CAMK1D: variants seen among roughly 807,000 people sequenced by gnomAD.
CAMK1D encodes the protein calcium/calmodulin dependent protein kinase ID.
CAMK1D carries 9 observed loss-of-function variants against 47.7 expected under a neutral mutation model. The ratio of observed to expected loss-of-function variants is 0.19; its 90% confidence interval spans 0.11 to 0.33. The LOEUF is 0.33. CAMK1D is among the 10% of genes least tolerant of loss of function. CAMK1D has a pLI of 1.00. For synonymous variants in CAMK1D, 184 were observed against 184.9 expected (o/e 0.99, Z 0.04); for missense variants, 291 against 488.7 (o/e 0.60, Z 3.81).
intron 1 of CAMK1D, among the ~76,000 whole-genome samples, chr10:12,482,614 T>A (rs909525246): frequency 6.6e-6 from 1 of 152,220 alleles, no homozygotes; most frequent in African/African-American, 2.4e-5. Flanking sequence ...TCCTGAGTGC[T>A]AATGGGTTTT....
chr10:12,628,034 T>C (rs1376467039), intron 2 of CAMK1D, among the ~76,000 whole-genome samples: 1 of 151,750 alleles, frequency 6.6e-6, no homozygotes, highest in African/African-American at 2.4e-5. Flanking sequence ...TGAACCAAGA[T>C]TGTGCCACTG....
intron 2 of CAMK1D, among the ~76,000 whole-genome samples, chr10:12,590,890 T>G (rs1837975927): frequency 6.6e-6 from 1 of 152,226 alleles, no homozygotes; most frequent in South Asian, 2.1e-4. Flanking sequence ...ACCCACTTAC[T>G]TAGACAATGA....
intron 2 of CAMK1D, among the ~76,000 whole-genome samples, chr10:12,558,434 A>G (rs1836833423): frequency 6.6e-6 from 1 of 152,104 alleles, no homozygotes; most frequent in African/African-American, 2.4e-5. Context: ...CATACCTATA[A>G]TCACAGCTAC....
chr10:12,586,322 A>G (rs546207507), intron 2 of CAMK1D, among the ~76,000 whole-genome samples: 1 of 152,132 alleles, frequency 6.6e-6, no homozygotes, highest in East Asian at 1.9e-4. Flanking sequence ...TGGCCTCCTC[A>G]GCTGTAATCC....
At chr10:12,388,937 G>A (rs546560541) in intron 1 of CAMK1D, among the ~76,000 whole-genome samples, 1 of 152,178 alleles carries the variant, frequency 6.6e-6, no homozygotes, top group Non-Finnish European at 1.5e-5. Context: ...TGCGGTAAAG[G>A]CGTGGCTTGC....
At chr10:12,772,592 G>T (rs1432358745) in intron 5 of CAMK1D, among the ~76,000 whole-genome samples, 1 of 152,208 alleles carries the variant, frequency 6.6e-6, no homozygotes, top group Non-Finnish European at 1.5e-5. Context: ...TTTCTAAGTG[G>T]CTGCCATCTG....
At chr10:12,486,288 AGCTGGGACTACAGGT>A (rs1440924011) in intron 1 of CAMK1D, among the ~76,000 whole-genome samples, 1 of 151,940 alleles carries the variant, frequency 6.6e-6, no homozygotes, top group Non-Finnish European at 1.5e-5. Flanking sequence ...CCTCTGGAGT[AGCTGGGACTACAGGT>A]GCCCACCACC....
At chr10:12,499,632 C>T (rs556097137) in intron 1 of CAMK1D, among the ~76,000 whole-genome samples, 2 of 152,276 alleles carry the variant, frequency 1.3e-5, no homozygotes, top group African/African-American at 4.8e-5. Flanking sequence ...TATTTTTCTG[C>T]TCTTCTTCAA....
intron 1 of CAMK1D, among the ~76,000 whole-genome samples, chr10:12,404,242 T>G (rs1839333277): frequency 6.6e-6 from 1 of 152,148 alleles, no homozygotes; most frequent in Non-Finnish European, 1.5e-5. Context: ...GTAGGGTTTC[T>G]CCATATTGGT....
chr10:12,744,089 C>T (rs533929601), intron 3 of CAMK1D, among the ~76,000 whole-genome samples: 12 of 151,798 alleles, frequency 7.9e-5, no homozygotes, highest in Non-Finnish European at 1.5e-4. Context: ...AATATGTGGC[C>T]TTTTGTGTCT....
chr10:12,730,258 T>C lies in CAMK1D; in HGVS notation c.300-30690T>C, dbSNP rs184522881. Among the ~76,000 whole-genome samples, 1,344 of 152,122 alleles carry C rather than the reference T, an allele frequency of 8.8e-3. 23 individuals are homozygous for C. Among genetic ancestry groups the C allele is most frequent in the African/African-American group, 0.031 (1,272 of 41,478 alleles). ...AGGACCATTAGCATTCCCTGGTAGG[T>C]TGAAGATGGGCCAGTAAGGGAAACA... On this transcript the variant is annotated intron_variant, in intron 3 of 10. Coordinates refer to ENST00000619168, the MANE Select transcript of CAMK1D (RefSeq NM_153498.4).
intron 2 of CAMK1D, among the ~76,000 whole-genome samples, chr10:12,655,036 G>A (rs1243041790): frequency 6.6e-6 from 1 of 152,202 alleles, no homozygotes; most frequent in East Asian, 1.9e-4. Context: ...ATCTGAGCTT[G>A]AGACCCATTG....
chr10:12,424,158 C>A (rs1004643920), intron 1 of CAMK1D, among the ~76,000 whole-genome samples: 2 of 152,140 alleles, frequency 1.3e-5, no homozygotes, highest in African/African-American at 4.8e-5. Flanking sequence ...CCCAGGCCCT[C>A]TTCTTGAACT....
intron 2 of CAMK1D, among the ~76,000 whole-genome samples, 167 bp downstream of exon 2, chr10:12,553,523 C>G (rs540218669): frequency 6.6e-6 from 1 of 152,170 alleles, no homozygotes; most frequent in Admixed American, 6.5e-5. Flanking sequence ...ATAGACCTCT[C>G]GTGTCTTAGA....
chr10:12,593,426 C>T (rs553349637), intron 2 of CAMK1D, among the ~76,000 whole-genome samples: 24 of 152,144 alleles, frequency 1.6e-4, no homozygotes, highest in African/African-American at 5.3e-4. Context: ...CCTGTCTTTA[C>T]CGAAAATACA....
At chr10:12,689,122 A>G (rs984444533) in intron 3 of CAMK1D, among the ~76,000 whole-genome samples, 3 of 152,176 alleles carry the variant, frequency 2.0e-5, no homozygotes, top group African/African-American at 7.2e-5. Flanking sequence ...TACAACTTGG[A>G]CTAAACTGAA....
intron 2 of CAMK1D, among the ~76,000 whole-genome samples, chr10:12,616,867 C>G (rs890545877): frequency 3.9e-5 from 6 of 152,110 alleles, no homozygotes; most frequent in African/African-American, 1.2e-4. Flanking sequence ...GGGCGGGAAC[C>G]GAGGTGGTCT....
intron 4 of CAMK1D, among the ~76,000 whole-genome samples, chr10:12,764,842 T>C (rs552107633): frequency 6.6e-6 from 1 of 152,294 alleles, no homozygotes; most frequent in African/African-American, 2.4e-5. Flanking sequence ...ATGCCTGTAA[T>C]CCCAGCACAT....
chr10:12,743,794 A>G (rs1835542642), intron 3 of CAMK1D, among the ~76,000 whole-genome samples: 1 of 152,190 alleles, frequency 6.6e-6, no homozygotes, highest in African/African-American at 2.4e-5. Flanking sequence ...AGGCCAAGGC[A>G]GGCAGATCAC....
Sources: allele counts gnomAD v4.1 joint callset (sites outside exome capture counted in the v4.1 genomes callset), GRCh38; gene constraint gnomAD v4.1.1; transcripts MANE v1.5; gene names NCBI Gene and HGNC (gene_info 2026-07-23, HGNC 2026-07-21).